Variants in GPBP1 observed in about 807,000 individuals in gnomAD.
GPBP1 encodes GC-rich promoter binding protein 1, also known as vasculin.
Under a neutral mutation model 56.5 loss-of-function variants are expected in GPBP1, and 13 were observed. The ratio of observed to expected loss-of-function variants is 0.23; its 90% CI spans 0.15 to 0.37. The LOEUF is 0.37. Among genes scored for constraint, GPBP1 ranks in the 10% least tolerant of loss-of-function variants. The pLI is 1.00. For synonymous variants in GPBP1, 204 were observed against 188.9 expected (o/e 1.08, Z -0.66); for missense variants, 477 against 572.3 (o/e 0.83, Z 1.70).
rs977779987 is a variant in GPBP1, at chr5:57,176,028, GTC to G, written c.-426_-425del. On this transcript the variant is annotated 5_prime_UTR_variant, in exon 2 of 12. It introduces an in-frame stop codon into an upstream open reading frame of the 5' UTR. Transcript: ENST00000506184. Reference sequence around the variant, plus strand: ...TGGTAGTATTGAGATAGCTATGTGTGTCTCTGTATATGCTGATGTTTAGGAAT... The same window carrying G: ...TGGTAGTATTGAGATAGCTATGTGTGTCTGTATATGCTGATGTTTAGGAAT... 1 of 398,480 alleles carries G rather than the reference GTC, an allele frequency of 2.5e-6. No homozygotes were observed. 24.7% of individuals were successfully genotyped at this position (398,480 alleles called of 1,614,324 possible). A position where few individuals can be genotyped will look rare whatever the true frequency, so the allele number is the denominator to read the frequency against.
intron 6 of GPBP1, among the ~76,000 whole-genome samples, chr5:57,242,102 T>C (rs1045214245): frequency 6.6e-6 from 1 of 152,224 alleles, no homozygotes; most frequent in African/African-American, 2.4e-5. Context: ...TTCAGAGTTG[T>C]TACACAGGAC....
At chr5:57,198,701 T>A (rs1029348956) in intron 2 of GPBP1, among the ~76,000 whole-genome samples, 11 of 152,054 alleles carry the variant, frequency 7.2e-5, no homozygotes, top group African/African-American at 2.7e-4. Context: ...ATACAAACAT[T>A]AGCCGAGCAT....
chr5:57,246,501 C>T lies in GPBP1; in HGVS notation c.663+17C>T. The T allele has an allele frequency of 1.3e-6, 2 of 1,573,754 alleles. No homozygotes were observed. Among genetic ancestry groups the T allele is most frequent in the Admixed American group, 1.9e-5 (1 of 51,630 alleles). On this transcript the variant is annotated intron_variant, in intron 7 of 11. Coordinates refer to ENST00000506184, the MANE Select transcript of GPBP1 (RefSeq NM_022913.4). Reference sequence around the variant, plus strand: ...CCTACAAAAGTAAGTTCTAAATTACCACAAATGTAAATTTTGAGTTGATAA... The same window carrying T: ...CCTACAAAAGTAAGTTCTAAATTACTACAAATGTAAATTTTGAGTTGATAA...
Position 57,221,949 on chromosome 5 carries a change from T to G in GPBP1, c.63+7756T>G, listed in dbSNP as rs533264612. On this transcript the variant is annotated intron_variant, in intron 3 of 11. Transcript: ENST00000506184. Reference sequence around the variant, plus strand: ...CTGTGGAGAAGGTTTACTGTGTAGATTTTTTGGTTTATTGTTTATTTAGGT... The same window carrying G: ...CTGTGGAGAAGGTTTACTGTGTAGAGTTTTTGGTTTATTGTTTATTTAGGT... 2.0e-5 allele frequency among the ~76,000 whole-genome samples: 3 copies of G among 152,196 alleles called. No individual in the cohort carries two copies. In the South Asian group the frequency reaches 6.2e-4, roughly 32 times the overall value.
At chr5:57,257,028 G>GTT (rs1187921080) in intron 10 of GPBP1, among the ~76,000 whole-genome samples, 2 of 151,070 alleles carry the variant, frequency 1.3e-5, no homozygotes, top group Non-Finnish European at 3.0e-5. Context: ...GGCAGTGATA[G>GTT]TTTTTGTTTT....
intron 2 of GPBP1, among the ~76,000 whole-genome samples, chr5:57,191,730 T>G (rs1754535221): frequency 1.3e-5 from 2 of 151,892 alleles, no homozygotes; most frequent in South Asian, 4.2e-4. Context: ...CCCAGCTAAT[T>G]TTTGTATTTT....
chr5:57,235,985 A>T lies in GPBP1; in HGVS notation c.431A>T (p.Tyr144Phe). The T allele has an allele frequency of 6.2e-7, 1 of 1,611,564 alleles. No homozygotes were observed. Among genetic ancestry groups the T allele is most frequent in the Non-Finnish European group, 8.5e-7 (1 of 1,177,906 alleles). Residue 144 changes from tyrosine to phenylalanine, a missense_variant, in exon 6 of 12, where the codon TAT becomes TTT. Physicochemically the swap from Tyr to Phe is conservative, Grantham distance 22. Around this residue, in one of 2 missense-constraint regions of GPBP1, gnomAD observed 414 missense variants for 458.2 expected, o/e 0.90. Coordinates refer to ENST00000506184, the MANE Select transcript of GPBP1 (RefSeq NM_022913.4). ...AEDFPSLNPE[Y>F]EREPNHNKSL... Reference sequence around the variant, plus strand: ...TTCCAGCCGTCTTTAAATCCTGAGTATGAGAGAGAACCAAATCACAATAAG... The same window carrying T: ...TTCCAGCCGTCTTTAAATCCTGAGTTTGAGAGAGAACCAAATCACAATAAG...
At chr5:57,195,570 G>A (rs1236977167) in intron 2 of GPBP1, among the ~76,000 whole-genome samples, 1 of 152,092 alleles carries the variant, frequency 6.6e-6, no homozygotes, top group African/African-American at 2.4e-5. Flanking sequence ...ACTGAATTCT[G>A]TACCATAATG....
At chr5:57,247,326 C>T (rs1055560536) in intron 8 of GPBP1, 111 bp downstream of exon 8, 1 of 909,584 alleles carries the variant, frequency 1.1e-6, no homozygotes, top group East Asian at 3.0e-5. Flanking sequence ...GAGTTTCATT[C>T]CTTCAGAAAA....
intron 2 of GPBP1, among the ~76,000 whole-genome samples, chr5:57,181,052 G>C (rs1239608497): frequency 6.6e-6 from 1 of 152,184 alleles, no homozygotes; most frequent in Non-Finnish European, 1.5e-5. Context: ...AATTAAAGGG[G>C]GCCAGGTGCA....
intron 2 of GPBP1, among the ~76,000 whole-genome samples, chr5:57,197,039 C>T (rs1754795304): frequency 6.6e-6 from 1 of 152,084 alleles, no homozygotes; most frequent in Admixed American, 6.6e-5. Context: ...GCCTCAGCCT[C>T]CCACAGTGCT....
chr5:57,261,712 TAG>T (rs1051782021), intron 11 of GPBP1, among the ~76,000 whole-genome samples: 6 of 152,194 alleles, frequency 3.9e-5, no homozygotes, highest in African/African-American at 1.4e-4. Context: ...TGATAAGAAG[TAG>T]AGAGTGTTAG....
intron 3 of GPBP1, among the ~76,000 whole-genome samples, chr5:57,219,989 T>G (rs1755884880): frequency 6.6e-6 from 1 of 151,002 alleles, no homozygotes. Context: ...AGGCAGAGGT[T>G]GTAGTGAGCT....
intron 2 of GPBP1, among the ~76,000 whole-genome samples, chr5:57,187,038 GTA>G (rs1348156320): frequency 4.9e-5 from 7 of 144,042 alleles, no homozygotes; most frequent in African/African-American, 1.0e-4. Flanking sequence ...GTGTGTGTGT[GTA>G]TGTATGTTTG....
At chr5:57,213,740 A>C (rs111479785) in intron 2 of GPBP1, among the ~76,000 whole-genome samples, 4 of 152,178 alleles carry the variant, frequency 2.6e-5, no homozygotes, top group African/African-American at 9.7e-5. Flanking sequence ...TTTGATGTCT[A>C]GTTGTCTATT....
At chr5:57,187,667 C>T (rs891560922) in intron 2 of GPBP1, among the ~76,000 whole-genome samples, 2 of 152,092 alleles carry the variant, frequency 1.3e-5, no homozygotes, top group African/African-American at 4.8e-5. Context: ...AATTCTTGCT[C>T]TATAAAATAG....
chr5:57,218,356 G>T (rs913262171), intron 3 of GPBP1, among the ~76,000 whole-genome samples: 3 of 152,162 alleles, frequency 2.0e-5, no homozygotes, highest in African/African-American at 7.2e-5. Context: ...CCCCCATTGG[G>T]TCTGAACAAT....
At chr5:57,187,884 CAG>C (rs1325261012) in intron 2 of GPBP1, among the ~76,000 whole-genome samples, 1 of 124,768 alleles carries the variant, frequency 8.0e-6, no homozygotes, top group Non-Finnish European at 1.8e-5. Flanking sequence ...AAGCAGAAAC[CAG>C]ATATATATAT....
intron 2 of GPBP1, among the ~76,000 whole-genome samples, chr5:57,183,639 C>T (rs1358327247): frequency 1.3e-5 from 2 of 151,974 alleles, no homozygotes; most frequent in South Asian, 4.1e-4. Flanking sequence ...AAGAACCGCC[C>T]CCCCATCTCA....
Sources: gnomAD v4.1 joint callset for allele counts (sites outside exome capture counted in the v4.1 genomes callset) on GRCh38, gnomAD v4.1.1 for gene constraint, gnomAD v4.1.1 regional missense constraint, MANE v1.5 for transcripts, NCBI Gene and HGNC (gene_info 2026-07-23, HGNC 2026-07-21) for gene names.